The following ZNF329 variants were observed in gnomAD, a reference collection of about 807,000 sequenced individuals.
ZNF329 encodes zinc finger protein 329.
Under a neutral mutation model 26.6 loss-of-function variants are expected in ZNF329, and 15 were observed. The observed-to-expected ratio is 0.56, with a 90% CI of 0.38 to 0.87. The LOEUF is 0.87. Among genes scored for constraint, ZNF329 ranks in the 40% least tolerant of loss-of-function variants. The pLI is 0.00. For missense variants in ZNF329, 651 were observed against 651.9 expected (o/e 1.00, Z 0.02); for synonymous variants, 239 against 233.5 (o/e 1.02, Z -0.21).
chr19:58,146,000 GAA>G (rs36035684), intron 1 of ZNF329, among the ~76,000 whole-genome samples: 18 of 123,180 alleles, frequency 1.5e-4, no homozygotes, highest in Admixed American at 2.4e-4. Context: ...TCAATTTCAT[GAA>G]AAAAAAAAAA....
chr19:58,127,887 C>T lies in ZNF329; in HGVS notation c.1617G>A (p.Met539Ile), dbSNP rs1817293154. Residue 539 changes from methionine (M) to isoleucine (I), a missense_variant, in exon 4 of 4, where the codon ATG becomes ATA. Met to Ile is a conservative substitution (Grantham distance 10). Transcript: ENST00000598312. ...ATGTGGCCCCCAACCATTATGTTTC[C>T]ATGGGTTGCTCTCCCAGGTGTGCTC... ...HQRAHLGEQP[M>I]ET 6.3e-7 allele frequency: 1 copy of T among 1,586,754 alleles called. No homozygotes were observed. Among genetic ancestry groups the T allele is most frequent in the South Asian group, 1.2e-5 (1 of 86,914 alleles).
intron 3 of ZNF329, among the ~76,000 whole-genome samples, chr19:58,136,526 T>G (rs1178950863): frequency 2.0e-5 from 3 of 150,790 alleles, no homozygotes; most frequent in African/African-American, 7.3e-5. Flanking sequence ...AAAAAAAAAG[T>G]TAGCTGGGTG....
At chr19:58,130,618 G>C (rs1412320478) in intron 3 of ZNF329, among the ~76,000 whole-genome samples, 1 of 144,496 alleles carries the variant, frequency 6.9e-6, no homozygotes, top group Non-Finnish European at 1.5e-5. Context: ...AGCTTGCAGT[G>C]AGCCAAGATC....
intron 1 of ZNF329, among the ~76,000 whole-genome samples, chr19:58,144,388 A>C (rs796641018): frequency 0.012 from 508 of 41,136 alleles, no homozygotes; most frequent in African/African-American, 0.036. Flanking sequence ...ATCTATATAT[A>C]TATATATATT....
At chr19:58,141,600 T>A (rs774144818) in intron 3 of ZNF329, among the ~76,000 whole-genome samples, 2 of 152,036 alleles carry the variant, frequency 1.3e-5, no homozygotes, top group Non-Finnish European at 2.9e-5. Flanking sequence ...CGGCCTGGCC[T>A]AATGCTCTTG....
chr19:58,146,714 C>G (rs907240176), intron 1 of ZNF329, among the ~76,000 whole-genome samples: 2 of 152,086 alleles, frequency 1.3e-5, no homozygotes, highest in Non-Finnish European at 2.9e-5. Context: ...CCACGCCTGA[C>G]TGGTTTTCGT....
intron 3 of ZNF329, among the ~76,000 whole-genome samples, chr19:58,140,636 C>G (rs1005369734): frequency 6.6e-6 from 1 of 150,838 alleles, no homozygotes; most frequent in African/African-American, 2.4e-5. Flanking sequence ...AGGATGGTCT[C>G]GATCTCCTGA....
chr19:58,142,798 T>G (rs1260706764), intron 2 of ZNF329, 137 bp from the exon 3 acceptor site: 1 of 152,234 alleles, frequency 6.6e-6, no homozygotes, highest in Non-Finnish European at 1.5e-5. Flanking sequence ...TGACTCCATT[T>G]TGGATGGTTG....
At chr19:58,144,384 A>C (rs2449633) in intron 1 of ZNF329, among the ~76,000 whole-genome samples, 12,844 of 74,682 alleles carry the variant, frequency 0.17, 684 homozygotes, top group Middle Eastern at 0.24. Flanking sequence ...ATCTATCTAT[A>C]TATATATATA....
intron 3 of ZNF329, 98 bp downstream of exon 3, chr19:58,142,459 T>C (rs561457480): frequency 6.6e-6 from 1 of 152,664 alleles, no homozygotes; most frequent in Admixed American, 6.5e-5. Flanking sequence ...CTAGACCCCA[T>C]CTGCCACATT....
At position 58,129,157 on chromosome 19, in the gene ZNF329, T is replaced by C. The variant is rs774566054; in HGVS notation, c.347A>G (p.Asp116Gly). Residue 116 changes from aspartate to glycine, a missense_variant, in exon 4 of 4, where the codon GAT (aspartate) becomes GGT (glycine). By Grantham distance (94) the Asp-to-Gly change is moderately conservative. Coordinates refer to ENST00000598312, the MANE Select transcript of ZNF329 (RefSeq NM_024620.4). ...GGCATCACTGTCACCAGTTCTCTTA[T>C]CTGCATAACTTTTAGGATAGCTGGG... Reference protein sequence around the residue: ...ALPSYPKSYADKRTGDSDACG... With the variant: ...ALPSYPKSYAGKRTGDSDACG... 2.5e-6 allele frequency: 4 copies of C among 1,614,190 alleles called. No homozygotes were observed. Among genetic ancestry groups the C allele is most frequent in the Non-Finnish European group, 3.4e-6 (4 of 1,180,034 alleles).
At position 58,128,607 on chromosome 19, in the gene ZNF329, A is replaced by T; in HGVS notation, c.897T>A (p.Asn299Lys). Reference protein sequence around the residue: ...CLECGKTFNRNSSLILHQRTH... With the variant: ...CLECGKTFNRKSSLILHQRTH... ...TTCTTTGGTGCAAAATTAAGGATGA[A>T]TTTCGGTTGAAGGTTTTTCCACACT... is the stretch of plus-strand genomic sequence containing the variant. Residue 299 changes from asparagine to lysine, a missense_variant, in exon 4 of 4, where the codon AAT (asparagine) becomes AAA (lysine). Asn to Lys is a moderately conservative substitution (Grantham distance 94, BLOSUM62 0). Coordinates refer to ENST00000598312, the MANE Select transcript of ZNF329 (RefSeq NM_024620.4). The T allele has an allele frequency of 6.2e-7, 1 of 1,610,824 alleles. No individual in the cohort carries two copies. The highest frequency in any genetic ancestry group is 1.1e-5 in the South Asian group (1 of 90,744).
At chr19:58,144,693 A>ATTTTTTTTTTTTTTTTTTTTTTT (rs34490866) in intron 1 of ZNF329, among the ~76,000 whole-genome samples, 1 of 127,656 alleles carries the variant, frequency 7.8e-6, no homozygotes, top group African/African-American at 2.9e-5. Context: ...CCAGCCAAGA[A>ATTTTTTTTTTTTTTTTTTTTTTT]TTTTTTTTTT....
At chr19:58,137,555 G>A (rs2075098625) in intron 3 of ZNF329, among the ~76,000 whole-genome samples, 1 of 125,902 alleles carries the variant, frequency 7.9e-6, no homozygotes, top group South Asian at 2.9e-4. Flanking sequence ...CTGCCTCAGG[G>A]GAAAAAAAAA....
chr19:58,150,215 AT>A (rs1458597247), intron 1 of ZNF329, among the ~76,000 whole-genome samples: 7 of 152,190 alleles, frequency 4.6e-5, no homozygotes, highest in Non-Finnish European at 1.0e-4. Flanking sequence ...GTAAAACATG[AT>A]TTTGCAAATA....
In ZNF329 at chr19:58,128,342, C is replaced by T. The variant is rs1294540898; in HGVS notation, c.1162G>A (p.Val388Met). 1 of 1,614,134 alleles carries T rather than the reference C, an allele frequency of 6.2e-7. No individual in the cohort carries two copies. The highest frequency in any genetic ancestry group is 8.5e-7 in the Non-Finnish European group (1 of 1,180,012). Residue 388 changes from valine to methionine, a missense_variant, in exon 4 of 4, where the codon GTG becomes ATG. Transcript: ENST00000598312. ...KSFNRNSHLI[V>M]HQKIHSGEKP... The stretch of plus-strand genomic sequence containing the variant: ...TCCCCAGAATGGATCTTTTGATGCA[C>T]AATGAGGTGAGAGTTTCTGTTGAAG...
chr19:58,144,284 C>T (rs898041374), intron 1 of ZNF329, among the ~76,000 whole-genome samples: 2 of 151,284 alleles, frequency 1.3e-5, no homozygotes, highest in Non-Finnish European at 2.9e-5. Flanking sequence ...AAGCAATTCT[C>T]TTGCCTCAGC....
At position 58,146,499 on chromosome 19, in the gene ZNF329, G is replaced by C. The variant is rs1568674872; in HGVS notation, c.-207-3301C>G. The stretch of plus-strand genomic sequence containing the variant: ...TAAAAAAAAAAAGTAGGTGGTACCT[G>C]GTCAAGAGAGGAAGGTAGTCCCTCT... On this transcript the variant is annotated intron_variant, in intron 1 of 3. Transcript: ENST00000598312. 3.9e-5 allele frequency among the ~76,000 whole-genome samples: 4 copies of C among 103,646 alleles called. No individual in the cohort carries two copies. In the East Asian group the frequency reaches 1.3e-3, roughly 34 times the overall value. The allele number at this position is 103,646 out of a possible 152,430, so 68.0% of individuals were successfully genotyped here. A position where few individuals can be genotyped will look rare whatever the true frequency, so the allele number is the denominator to read the frequency against.
At position 58,129,402 on chromosome 19, in the gene ZNF329, T is replaced by G. The variant is rs1568658650; in HGVS notation, c.102A>C (p.Leu34Phe). The change falls in exon 4 of 4, where the codon TTA (leucine) becomes TTC (phenylalanine). Residue 34 changes from leucine to phenylalanine, a missense_variant. By Grantham distance (22) the Leu-to-Phe change is conservative. Transcript: ENST00000598312. ...GGTTCTCACAGTCCCAACCATCACCTAAACTGGACAAGCAGGGAACTTCCC... is the reference window on the plus strand; with the variant it reads ...GGTTCTCACAGTCCCAACCATCACCGAAACTGGACAAGCAGGGAACTTCCC... ...FTREVPCLSS[L>F]GDGWDCENQE... is the part of the protein sequence containing the mutation. 6.2e-7 allele frequency: 1 copy of G among 1,614,176 alleles called. No individual in the cohort carries two copies. Among genetic ancestry groups the G allele is most frequent in the Non-Finnish European group, 8.5e-7 (1 of 1,180,030 alleles).
Sources: gnomAD v4.1 joint callset for allele counts (sites outside exome capture counted in the v4.1 genomes callset) on GRCh38, gnomAD v4.1.1 for gene constraint, MANE v1.5 for transcripts, NCBI Gene and HGNC (gene_info 2026-07-23, HGNC 2026-07-21) for gene names.